Variants in SPHKAP observed in about 807,000 individuals in gnomAD.
SPHKAP encodes the protein A-kinase anchor protein SPHKAP.
In SPHKAP, 67 loss-of-function variants were observed where a neutral mutation model predicts 137.5. The ratio of observed to expected loss-of-function variants is 0.49; its 90% CI spans 0.40 to 0.60. The LOEUF (loss-of-function observed/expected upper bound fraction) is 0.60. Among genes scored for constraint, SPHKAP ranks in the 20% least tolerant of loss-of-function variants. SPHKAP has a pLI of 0.00. For synonymous variants in SPHKAP, 813 were observed against 785.3 expected, an observed-to-expected ratio of 1.04 and a Z score of -0.59; for missense variants, 2,097 against 2,069.3, an observed-to-expected ratio of 1.01 and a Z score of -0.26.
chr2:228,148,980 G>C (rs1362283022), intron 1 of SPHKAP, among the ~76,000 whole-genome samples: 1 of 152,164 alleles, frequency 6.6e-6, no homozygotes, highest in Non-Finnish European at 1.5e-5. Flanking sequence ...GATAACATCT[G>C]TCTTGGGTAA....
At chr2:227,982,650 G>A (rs1277168228) in intron 11 of SPHKAP, among the ~76,000 whole-genome samples, 1 of 152,136 alleles carries the variant, frequency 6.6e-6, no homozygotes, top group African/African-American at 2.4e-5. Flanking sequence ...AGGAACTGTA[G>A]GAAATATTTT....
intron 8 of SPHKAP, chr2:227,994,014 A>G (rs1693528074): frequency 2.0e-6 from 2 of 983,856 alleles, no homozygotes; most frequent in African/African-American, 3.5e-5. Flanking sequence ...GCAGAGATGA[A>G]GGAACTTCTG....
At chr2:228,004,520 T>C (rs1160811231) in intron 7 of SPHKAP, among the ~76,000 whole-genome samples, 2 of 152,220 alleles carry the variant, frequency 1.3e-5, no homozygotes, top group Non-Finnish European at 2.9e-5. Context: ...CCTGGATTCA[T>C]TGATTTTATG....
At chr2:228,136,596 CAA>C (rs777905865) in intron 1 of SPHKAP, among the ~76,000 whole-genome samples, 1 of 152,156 alleles carries the variant, frequency 6.6e-6, no homozygotes, top group Non-Finnish European at 1.5e-5. Flanking sequence ...CATTGCAATG[CAA>C]AGTTTGGTCC....
chr2:228,100,629 T>C lies in SPHKAP; in HGVS notation c.246+8203A>G, dbSNP rs1011176491. ...ATGGTTTTCTTTTTAATTCTGTTTA[T>C]GTGGTGAATCACATTAATTGATTTG... On this transcript the variant is annotated intron_variant, in intron 3 of 11. Coordinates refer to ENST00000392056, the MANE Select transcript of SPHKAP (RefSeq NM_001142644.2). Among the ~76,000 whole-genome samples the C allele has an allele frequency of 9.9e-5, 15 of 152,228 alleles. No homozygotes were observed. In the East Asian group the frequency reaches 2.9e-3, roughly 29 times the overall value.
intron 1 of SPHKAP, among the ~76,000 whole-genome samples, chr2:228,148,876 C>T (rs1006794809): frequency 6.6e-6 from 1 of 152,128 alleles, no homozygotes; most frequent in African/African-American, 2.4e-5. Flanking sequence ...TCTCACCAGG[C>T]TGTTTTAAAA....
At chr2:228,152,697 C>G (rs1203514264) in intron 1 of SPHKAP, among the ~76,000 whole-genome samples, 1 of 147,800 alleles carries the variant, frequency 6.8e-6, no homozygotes, top group Non-Finnish European at 1.5e-5. Context: ...TATTTTTTGG[C>G]CTAGTGTGGA....
chr2:228,132,013 G>A lies in SPHKAP; in HGVS notation c.105C>T (p.Ser35=), dbSNP rs533368400. The change falls in exon 2 of 12, where the codon AGC becomes AGT. Residue 35 remains serine (S), a synonymous_variant. Coordinates refer to ENST00000392056, the MANE Select transcript of SPHKAP (RefSeq NM_001142644.2). ...QQGRGCGSSG[S]GPGNSITACK... ...AGGCTGTGATGGAGTTCCCCGGGCC[G>A]CTTCCTGAGCTGCCACAGCCTCTGC... 14 of 1,613,968 alleles carry A rather than the reference G, an allele frequency of 8.7e-6. No homozygotes were observed. Among genetic ancestry groups the A allele is most frequent in the African/African-American group, 5.3e-5 (4 of 75,026 alleles).
At chr2:228,120,820 A>G (rs1214033093) in intron 2 of SPHKAP, among the ~76,000 whole-genome samples, 2 of 152,208 alleles carry the variant, frequency 1.3e-5, no homozygotes, top group Non-Finnish European at 2.9e-5. Flanking sequence ...AGTCTCAAGT[A>G]TAAAATGCAA....
At chr2:228,062,131 T>G (rs1317101941) in intron 3 of SPHKAP, among the ~76,000 whole-genome samples, 1 of 151,978 alleles carries the variant, frequency 6.6e-6, no homozygotes, top group Non-Finnish European at 1.5e-5. Flanking sequence ...AGCTTGCATT[T>G]CTGTAGGTCA....
intron 3 of SPHKAP, among the ~76,000 whole-genome samples, chr2:228,080,069 T>G (rs1008466204): frequency 1.8e-4 from 18 of 102,760 alleles, no homozygotes; most frequent in Non-Finnish European, 3.6e-4. Flanking sequence ...AGTAACAATG[T>G]TTTTTTTTTT....
intron 3 of SPHKAP, among the ~76,000 whole-genome samples, chr2:228,031,738 T>C (rs1243958277): frequency 6.6e-6 from 1 of 152,198 alleles, no homozygotes; most frequent in African/African-American, 2.4e-5. Context: ...GCCACCGCTG[T>C]TCTGTAGCCA....
chr2:228,025,116 G>A (rs1236340681), intron 5 of SPHKAP, among the ~76,000 whole-genome samples: 2 of 152,188 alleles, frequency 1.3e-5, no homozygotes, highest in East Asian at 3.8e-4. Flanking sequence ...AGAAAACCAA[G>A]CTAAGTAACC....
chr2:228,134,113 G>GGA (rs959830415), intron 1 of SPHKAP, among the ~76,000 whole-genome samples: 11 of 114,442 alleles, frequency 9.6e-5, no homozygotes, highest in African/African-American at 3.7e-4. Context: ...AGGAAGGAAG[G>GGA]GAGAGAGAGA....
rs1559330556 is a variant in SPHKAP, at chr2:227,981,049, T to C, written c.*668A>G. 6.6e-6 allele frequency: 1 copy of C among 151,542 alleles called. No homozygotes were observed. Among genetic ancestry groups the C allele is most frequent in the African/African-American group, 2.4e-5 (1 of 41,290 alleles). The allele number at this position is 151,542 out of a possible 1,614,324, so 9.4% of individuals were successfully genotyped here. On this transcript the variant is annotated 3_prime_UTR_variant, in exon 12 of 12. Coordinates refer to ENST00000392056, the MANE Select transcript of SPHKAP (RefSeq NM_001142644.2). ...AATCTTTTATCTTCCTCTTCTTCAGTTGAATGACAATAGTTTTCTGCTTAG... is the reference window on the plus strand; with the variant it reads ...AATCTTTTATCTTCCTCTTCTTCAGCTGAATGACAATAGTTTTCTGCTTAG...
At chr2:228,026,264 T>A (rs769019206) in intron 4 of SPHKAP, among the ~76,000 whole-genome samples, 1 of 152,202 alleles carries the variant, frequency 6.6e-6, no homozygotes, top group Non-Finnish European at 1.5e-5. Flanking sequence ...TTTATCAGCA[T>A]CCTGAAAATG....
At position 228,035,899 on chromosome 2, in the gene SPHKAP, T is replaced by G. The variant is rs934635730; in HGVS notation, c.247-8356A>C. Among the ~76,000 whole-genome samples, 71 of 151,890 alleles carry G rather than the reference T, an allele frequency of 4.7e-4. 1 individual carries two copies. Among genetic ancestry groups the G allele is most frequent in the Non-Finnish European group, 5.0e-4 (34 of 68,004 alleles). On this transcript the variant is annotated intron_variant, in intron 3 of 11. Coordinates refer to ENST00000392056, the MANE Select transcript of SPHKAP (RefSeq NM_001142644.2). ...AATTAATTCAAGATGGATTAAAGAC[T>G]TACATGTTAGACCTAAAACCATAAA... is the stretch of plus-strand genomic sequence containing the variant.
intron 1 of SPHKAP, among the ~76,000 whole-genome samples, chr2:228,135,704 A>C (rs766436454): frequency 1.3e-5 from 2 of 152,228 alleles, no homozygotes; most frequent in Non-Finnish European, 1.5e-5. Context: ...TATAGCATTA[A>C]TAAATAAATT....
chr2:228,177,261 C>A (rs532954647), intron 1 of SPHKAP, among the ~76,000 whole-genome samples: 14 of 151,982 alleles, frequency 9.2e-5, no homozygotes, highest in Middle Eastern at 3.4e-3. Context: ...ATCCACAACC[C>A]AGCAACAACG....
Sources: gnomAD v4.1 joint callset for allele counts (sites outside exome capture counted in the v4.1 genomes callset) on GRCh38, gnomAD v4.1.1 for gene constraint, MANE v1.5 for transcripts, NCBI Gene and HGNC (gene_info 2026-07-23, HGNC 2026-07-21) for gene names.